GAA: variants seen among roughly 807,000 people sequenced by gnomAD.
GAA encodes alpha glucosidase, also known as lysosomal alpha-glucosidase.
A neutral mutation model predicts 103.9 loss-of-function variants in GAA; 88 were observed. The observed-to-expected ratio is 0.85, with a 90% CI of 0.71 to 1.01. The LOEUF (loss-of-function observed/expected upper bound fraction) is 1.01, where lower values mean the gene tolerates loss of function less well. Ranked by LOEUF, GAA falls within the 50% of genes least tolerant of loss-of-function variation. GAA has a pLI of 0.00. For missense variants in GAA, 1,350 were observed against 1,305.3 expected (o/e 1.03, Z -0.53); for synonymous variants, 572 against 563.1 (o/e 1.02, Z -0.22).
intron 9 of GAA, 120 bp downstream of exon 9, chr17:80,110,175 A>G: frequency 2.6e-6 from 2 of 774,714 alleles, no homozygotes; most frequent in East Asian, 5.3e-5. Flanking sequence ...GGGACAGCTG[A>G]GAGGAATGGG....
intron 5 of GAA, 149 bp from the exon 6 acceptor site, chr17:80,108,141 G>A (rs1355908230): frequency 7.0e-7 from 1 of 1,419,044 alleles, no homozygotes; most frequent in Non-Finnish European, 9.8e-7. Context: ...TTCCTCCTGA[G>A]TCAGGCTTAG....
rs528567409 is a variant in GAA, at chr17:80,113,884, G to C, written c.2189+518G>C. On this transcript the variant is annotated intron_variant, in intron 15 of 19. Coordinates refer to ENST00000302262, the MANE Select transcript of GAA (RefSeq NM_000152.5). Reference sequence around the variant, plus strand: ...AATACAAAAATTAGCCGTGCATGGTGGTGGGCGCCTGTAGTCCCTGCTACT... The same window carrying C: ...AATACAAAAATTAGCCGTGCATGGTCGTGGGCGCCTGTAGTCCCTGCTACT... Among the ~76,000 whole-genome samples the C allele has an allele frequency of 8.6e-5, 13 of 150,654 alleles. No individual in the cohort carries two copies. The South Asian group carries it at 2.1e-3, about 25-fold the overall frequency.
At chr17:80,110,618 C>G in intron 9 of GAA, 109 bp from the exon 10 acceptor site, 1 of 869,164 alleles carries the variant, frequency 1.2e-6, no homozygotes. Flanking sequence ...CAAATGTGGG[C>G]GTCCACTAAG....
At chr17:80,108,024 AT>A in intron 5 of GAA, 128 bp downstream of exon 5, 3 of 1,051,112 alleles carry the variant, frequency 2.9e-6, no homozygotes, top group Non-Finnish European at 2.8e-6. Flanking sequence ...AATGAGTCCT[AT>A]GGGCTGATGC....
Position 80,107,579 on chromosome 17 carries a change from C to T in GAA, c.715C>T (p.Leu239=), listed in dbSNP as rs778882374. 6.8e-6 allele frequency: 11 copies of T among 1,613,040 alleles called. No individual in the cohort carries two copies. In the South Asian group the frequency reaches 7.7e-5, roughly 11 times the overall value. Residue 239 remains leucine (L), a synonymous_variant, in exon 4 of 20, where the codon CTG becomes TTG. Transcript: ENST00000302262. ...CAGGCTGAACACGACGGTGGCGCCC[C>T]TGTTCTTTGCGGACCAGTTCCTTCA... is the stretch of plus-strand genomic sequence containing the variant. ...RVLLNTTVAP[L]FFADQFLQLS...
rs747588371 is a variant in GAA at position 80,108,658 on chromosome 17, C to T, written c.1195-39C>T. 3.7e-6 allele frequency: 6 copies of T among 1,612,582 alleles called. No individual in the cohort carries two copies. In the African/African-American group the frequency reaches 5.3e-5, roughly 14 times the overall value. On this transcript the variant is annotated intron_variant, in intron 7 of 19. Transcript: ENST00000302262. ...GCAAGGGGCTGGCCGGGACGCGTCT[C>T]CTCAGGCCCCAGCAGACGGTCCCGT...
chr17:80,114,721 C>CT (rs1195537323), intron 15 of GAA, among the ~76,000 whole-genome samples: 8 of 152,126 alleles, frequency 5.3e-5, no homozygotes, highest in African/African-American at 1.9e-4. Flanking sequence ...GATGTAGTTA[C>CT]CTTTACCCAT....
At position 80,109,969 on chromosome 17, in the gene GAA, C is replaced by G. The variant is rs1179634549; in HGVS notation, c.1351C>G (p.Pro451Ala). The G allele has an allele frequency of 6.2e-7, 1 of 1,613,370 alleles. No homozygotes were observed. The highest frequency in any genetic ancestry group is 8.5e-7 in the Non-Finnish European group (1 of 1,179,920). Residue 451 changes from proline to alanine, a missense_variant, in exon 9 of 20, where the codon CCT becomes GCT. Coordinates refer to ENST00000302262, the MANE Select transcript of GAA (RefSeq NM_000152.5). Reference sequence around the variant, plus strand: ...GGATCCTGCCATCAGCAGCTCGGGCCCTGCCGGGAGCTACAGGCCCTACGA... The same window carrying G: ...GGATCCTGCCATCAGCAGCTCGGGCGCTGCCGGGAGCTACAGGCCCTACGA... ...IVDPAISSSG[P>A]AGSYRPYDEG...
rs182680067 is a variant in GAA at position 80,108,044 on chromosome 17, A to C, written c.955+148A>C. 2.9e-6 allele frequency: 3 copies of C among 1,027,800 alleles called. No homozygotes were observed. The African/African-American group carries it at 4.8e-5, about 16-fold the overall frequency. 63.7% of individuals were successfully genotyped at this position (1,027,800 alleles called of 1,614,324 possible). A position where few individuals can be genotyped will look rare whatever the true frequency, so the allele number is the denominator to read the frequency against. On this transcript the variant is annotated intron_variant, in intron 5 of 19. Coordinates refer to ENST00000302262, the MANE Select transcript of GAA (RefSeq NM_000152.5). ...GTCCTATGGGCTGATGCCTCTCCCAACTCTGGCCTTCTGTGCTCCTAAGGA... is the reference window on the plus strand; with the variant it reads ...GTCCTATGGGCTGATGCCTCTCCCACCTCTGGCCTTCTGTGCTCCTAAGGA...
At chr17:80,113,929 A>T (rs1007156056) in intron 15 of GAA, among the ~76,000 whole-genome samples, 9 of 151,966 alleles carry the variant, frequency 5.9e-5, no homozygotes, top group African/African-American at 2.2e-4. Flanking sequence ...GAGGCCAGAG[A>T]ATCCCTTGAA....
Position 80,117,654 on chromosome 17 carries a change from C to T in GAA, c.2386C>T (p.Pro796Ser). 1.2e-6 allele frequency: 2 copies of T among 1,612,838 alleles called. No individual in the cohort carries two copies. The highest frequency in any genetic ancestry group is 2.2e-5 in the South Asian group (2 of 91,086). ...LPPPPAAPRE[P>S]AIHSEGQWVT... Reference sequence around the variant, plus strand: ...ACCCCCACCTGCAGCTCCCCGTGAGCCAGCCATCCACAGCGAGGGGCAGTG... The same window carrying T: ...ACCCCCACCTGCAGCTCCCCGTGAGTCAGCCATCCACAGCGAGGGGCAGTG... The change falls in exon 17 of 20, where the codon CCA (proline) becomes TCA (serine). Residue 796 changes from proline to serine, a missense_variant. Coordinates refer to ENST00000302262, the MANE Select transcript of GAA (RefSeq NM_000152.5).
At chr17:80,119,121 G>A (rs980435695) in intron 19 of GAA, 151 bp from the exon 20 acceptor site, 117 of 893,948 alleles carry the variant, frequency 1.3e-4, no homozygotes, top group Middle Eastern at 5.9e-4. Context: ...AACCGGGTGC[G>A]AAGCATCCCA....
chr17:80,105,869 C>T lies in GAA; in HGVS notation c.667C>T (p.Arg223Cys), dbSNP rs886043961. The T allele has an allele frequency of 3.7e-6, 6 of 1,603,674 alleles. No individual in the cohort carries two copies. Among genetic ancestry groups the T allele is most frequent in the Admixed American group, 1.7e-5 (1 of 59,980 alleles). The change falls in exon 3 of 20, where the codon CGC becomes TGC. Residue 223 changes from arginine to cysteine, a missense_variant. By Grantham distance (180) the Arg-to-Cys change is radical (BLOSUM62 -3). Coordinates refer to ENST00000302262, the MANE Select transcript of GAA (RefSeq NM_000152.5). ...CGAGGAGCCCTTCGGGGTGATCGTGCGCCGGCAGCTGGACGGCCGCGTGCT... is the reference window on the plus strand; with the variant it reads ...CGAGGAGCCCTTCGGGGTGATCGTGTGCCGGCAGCTGGACGGCCGCGTGCT... ...FSEEPFGVIV[R>C]RQLDGRVLLN... is the part of the protein sequence containing the mutation.
rs1332379501 is a variant in GAA at position 80,101,587 on chromosome 17, C to T, written c.-336C>T. Reference sequence around the variant, plus strand: ...CTCTGCGCGCCCCCGGGCACGACCCCGGAGTCTCCGCGGGCGGCCAGGGCG... The same window carrying T: ...CTCTGCGCGCCCCCGGGCACGACCCTGGAGTCTCCGCGGGCGGCCAGGGCG... On this transcript the variant is annotated 5_prime_UTR_variant, in exon 1 of 20. Coordinates refer to ENST00000302262, the MANE Select transcript of GAA (RefSeq NM_000152.5). 6.6e-6 allele frequency: 1 copy of T among 150,620 alleles called. No individual in the cohort carries two copies. The highest frequency in any genetic ancestry group is 1.9e-4 in the East Asian group (1 of 5,136). The allele number at this position is 150,620 out of a possible 1,614,324, so 9.3% of individuals were successfully genotyped here.
chr17:80,105,942 T>C, intron 3 of GAA, 48 bp downstream of exon 3: 3 of 1,552,994 alleles, frequency 1.9e-6, no homozygotes, highest in Non-Finnish European at 2.6e-6. Flanking sequence ...CGACGCGCAT[T>C]TCTCACACGG....
intron 15 of GAA, among the ~76,000 whole-genome samples, chr17:80,114,536 T>C (rs2039321129): frequency 6.6e-6 from 1 of 152,150 alleles, no homozygotes; most frequent in South Asian, 2.1e-4. Context: ...TTTGCTTCTA[T>C]GTGGTTTCCA....
rs902569945 is a variant in GAA, at chr17:80,112,213, G to A, written c.1754+113G>A. On this transcript the variant is annotated intron_variant, in intron 12 of 19. Transcript: ENST00000302262. ...AAAGCGGAGGCCCAGACCACCCGGG[G>A]CCCGCTGGCGGCCCGAGTGCTCTCC... The A allele has an allele frequency of 7.5e-5, 81 of 1,086,678 alleles. 2 individuals carry two copies. In the South Asian group the frequency reaches 8.8e-4, roughly 12 times the overall value. 67.3% of individuals were successfully genotyped at this position (1,086,678 alleles called of 1,614,324 possible).
rs150425151 is a variant in GAA, at chr17:80,104,289, TC to T, written c.-32-264del. ...AAGTGTCTACCTGCCTTGCTGGTCT[TC>T]CTGGGGACATTCTAAGCGTGTTTGA... On this transcript the variant is annotated intron_variant, in intron 1 of 19. Transcript: ENST00000302262. This position sits in a 1 kb window ranked among gnomAD's most constrained non-coding sequence, Gnocchi z 4.0. Among the ~76,000 whole-genome samples, 846 of 152,278 alleles carry T rather than the reference TC, an allele frequency of 5.6e-3. 14 individuals are homozygous for T. The highest frequency in any genetic ancestry group is 0.019 in the African/African-American group (809 of 41,550).
rs372881095 is a variant in GAA at position 80,113,292 on chromosome 17, C to T, written c.2115C>T (p.Leu705=). 6.3e-7 allele frequency: 1 copy of T among 1,598,774 alleles called. No homozygotes were observed. Among genetic ancestry groups the T allele is most frequent in the Non-Finnish European group, 8.5e-7 (1 of 1,173,064 alleles). ...MRKALTLRYA[L]LPHLYTLFHQ... is the part of the protein sequence containing the mutation. ...AGGCCCTCACCCTGCGCTACGCACTCCTCCCCCACCTCTACACACTGTTCC... is the reference window on the plus strand; with the variant it reads ...AGGCCCTCACCCTGCGCTACGCACTTCTCCCCCACCTCTACACACTGTTCC... Residue 705 remains leucine, a synonymous_variant, in exon 15 of 20, where the codon CTC becomes CTT. Transcript: ENST00000302262.
Sources: allele counts gnomAD v4.1 joint callset (sites outside exome capture counted in the v4.1 genomes callset), GRCh38; gene constraint gnomAD v4.1.1; non-coding constraint Gnocchi (gnomAD v3.1); transcripts MANE v1.5; gene names NCBI Gene and HGNC (gene_info 2026-07-23, HGNC 2026-07-21).